The following CSGALNACT1 variants were observed in gnomAD, a reference collection of about 807,000 sequenced individuals.
CSGALNACT1 encodes beta4GalNAcT-1.
CSGALNACT1 carries 52 observed loss-of-function variants against 51.0 expected under a neutral mutation model. The ratio of observed to expected loss-of-function variants is 1.02; its 90% CI spans 0.82 to 1.29. The LOEUF is 1.29. Among genes scored for constraint, CSGALNACT1 ranks in the 50% most tolerant of loss-of-function variants. CSGALNACT1 has a pLI of 0.00. For missense variants in CSGALNACT1, 935 were observed against 679.2 expected, an observed-to-expected ratio of 1.38 and a Z score of -4.19; for synonymous variants, 341 against 254.4, an observed-to-expected ratio of 1.34 and a Z score of -3.24.
At chr8:19,526,255 G>C (rs1395218615) in intron 3 of CSGALNACT1, among the ~76,000 whole-genome samples, 1 of 152,144 alleles carries the variant, frequency 6.6e-6, no homozygotes, top group South Asian at 2.1e-4. Context: ...TAGAGGGGCA[G>C]AACAGCTATT....
chr8:19,665,287 C>T (rs918268443), intron 1 of CSGALNACT1, among the ~76,000 whole-genome samples: 1 of 152,056 alleles, frequency 6.6e-6, no homozygotes, highest in African/African-American at 2.4e-5. Context: ...TAGGTAAATC[C>T]AGGGATTAAA....
chr8:19,574,794 G>A (rs1300390499), intron 3 of CSGALNACT1, among the ~76,000 whole-genome samples: 1 of 152,168 alleles, frequency 6.6e-6, no homozygotes, highest in African/African-American at 2.4e-5. Context: ...CACTTTGGGA[G>A]GCTGAAACGG....
At chr8:19,612,979 A>AAAAAAAAAC (rs2052498036) in intron 1 of CSGALNACT1, among the ~76,000 whole-genome samples, 2 of 146,722 alleles carry the variant, frequency 1.4e-5, no homozygotes, top group Admixed American at 6.8e-5. Context: ...AAAAAAAAAA[A>AAAAAAAAAC]AGCACAGCTG....
At chr8:19,727,130 C>A (rs1208607995) in intron 1 of CSGALNACT1, among the ~76,000 whole-genome samples, 1 of 152,148 alleles carries the variant, frequency 6.6e-6, no homozygotes, top group Non-Finnish European at 1.5e-5. Flanking sequence ...TTTTCAATCA[C>A]ACCAGACTTT....
chr8:19,472,994 T>C (rs562574236), intron 4 of CSGALNACT1, among the ~76,000 whole-genome samples: 1 of 152,314 alleles, frequency 6.6e-6, no homozygotes, highest in East Asian at 1.9e-4. Flanking sequence ...TATCATGTCA[T>C]TCTACTTTGT....
chr8:19,570,497 C>G (rs534719111), intron 3 of CSGALNACT1, among the ~76,000 whole-genome samples: 2 of 152,076 alleles, frequency 1.3e-5, no homozygotes, highest in Non-Finnish European at 2.9e-5. Flanking sequence ...AAACAGAGAG[C>G]AAGAGGTAAT....
intron 3 of CSGALNACT1, among the ~76,000 whole-genome samples, chr8:19,558,341 C>T (rs1010629213): frequency 6.6e-6 from 1 of 152,148 alleles, no homozygotes; most frequent in Non-Finnish European, 1.5e-5. Flanking sequence ...GCCATTCCTC[C>T]AAAGTAGGAA....
At chr8:19,618,300 G>C (rs375141545) in intron 1 of CSGALNACT1, among the ~76,000 whole-genome samples, 1 of 152,134 alleles carries the variant, frequency 6.6e-6, no homozygotes, top group East Asian at 1.9e-4. Context: ...ATGACACAGA[G>C]GACTATGTAC....
intron 8 of CSGALNACT1, among the ~76,000 whole-genome samples, chr8:19,414,767 C>T (rs1585450351): frequency 6.6e-6 from 1 of 152,180 alleles, no homozygotes; most frequent in Non-Finnish European, 1.5e-5. Flanking sequence ...GCAAAACTAA[C>T]TTTCATTAGA....
At chr8:19,676,790 G>C (rs77271010) in intron 1 of CSGALNACT1, among the ~76,000 whole-genome samples, 1 of 152,164 alleles carries the variant, frequency 6.6e-6, no homozygotes. Context: ...ACCCAGACAG[G>C]ATTGGAAGGA....
intron 8 of CSGALNACT1, among the ~76,000 whole-genome samples, chr8:19,414,405 A>G (rs2056474110): frequency 6.6e-6 from 1 of 152,212 alleles, no homozygotes; most frequent in African/African-American, 2.4e-5. Context: ...TCTAAAGTTA[A>G]TGTTTGTTTA....
chr8:19,554,718 G>C (rs1380400063), intron 3 of CSGALNACT1, among the ~76,000 whole-genome samples: 1 of 152,228 alleles, frequency 6.6e-6, no homozygotes, highest in South Asian at 2.1e-4. Flanking sequence ...AGGAGTTCAA[G>C]ACCAGCCTGC....
rs369198221 is a variant in CSGALNACT1, at chr8:19,404,942, ATGCCTGACATTCAG to A, written c.*824_*837del. The A allele has an allele frequency of 9.2e-4, 416 of 454,122 alleles. 2 individuals are homozygous for A. The highest frequency in any genetic ancestry group is 7.2e-3 in the African/African-American group (363 of 50,116). 28.1% of individuals were successfully genotyped at this position (454,122 alleles called of 1,614,324 possible). A position where few individuals can be genotyped will look rare whatever the true frequency, so the allele number is the denominator to read the frequency against. On this transcript the variant is annotated 3_prime_UTR_variant, in exon 10 of 10. Coordinates refer to ENST00000454498, the Ensembl canonical transcript of CSGALNACT1. ...CAAACCATTCCTTCCCTATGTCTCA[ATGCCTGACATTCAG>A]TGCCTGACAGAATCAGCATTTGGCA...
chr8:19,433,586 G>A (rs989198361), intron 6 of CSGALNACT1, among the ~76,000 whole-genome samples: 2 of 152,168 alleles, frequency 1.3e-5, no homozygotes, highest in African/African-American at 4.8e-5. Context: ...AATACTTTCT[G>A]CATTGGAAGA....
chr8:19,666,797 AAGAAAGAAAGAAAGAGAG>A (rs1301900477), intron 1 of CSGALNACT1, among the ~76,000 whole-genome samples: 15 of 22,072 alleles, frequency 6.8e-4, no homozygotes, highest in South Asian at 4.9e-3. Context: ...GAAAGAAAGA[AAGAAAGAAAGAAAGAGAG>A]AGAGAGAGAG....
intron 1 of CSGALNACT1, among the ~76,000 whole-genome samples, chr8:19,715,497 TATGTACCAC>T (rs1307377523): frequency 2.0e-5 from 3 of 152,256 alleles, no homozygotes; most frequent in Non-Finnish European, 4.4e-5. Context: ...TCATGGTGTG[TATGTACCAC>T]ATTTTCTTTA....
At chr8:19,698,476 C>T (rs73216656) in intron 1 of CSGALNACT1, among the ~76,000 whole-genome samples, 2,241 of 152,304 alleles carry the variant, frequency 0.015, 29 homozygotes, top group South Asian at 0.047. Context: ...TTTTTACAGA[C>T]ATTTACATTG....
rs771229620 is a variant in CSGALNACT1, at chr8:19,506,193, C to G, written c.-296-63G>C. 8.3e-5 allele frequency: 39 copies of G among 472,588 alleles called. No individual in the cohort carries two copies. In the Admixed American group the frequency reaches 9.4e-4, roughly 11 times the overall value. The allele number at this position is 472,588 out of a possible 1,614,324, so 29.3% of individuals were successfully genotyped here. A position where few individuals can be genotyped will look rare whatever the true frequency, so the allele number is the denominator to read the frequency against. ...GACAACGACTCCCTCATGTTCCCTACGGCAATCAATATCCAATAGATCTCC... is the reference window on the plus strand; with the variant it reads ...GACAACGACTCCCTCATGTTCCCTAGGGCAATCAATATCCAATAGATCTCC... On this transcript the variant is annotated intron_variant, in intron 3 of 9. Coordinates refer to ENST00000454498, the Ensembl canonical transcript of CSGALNACT1.
intron 3 of CSGALNACT1, among the ~76,000 whole-genome samples, chr8:19,509,587 A>C (rs1297902755): frequency 6.6e-5 from 9 of 136,004 alleles, no homozygotes; most frequent in Admixed American, 6.1e-4. Flanking sequence ...GCACCACTGC[A>C]CTCCAGCCTG....
Sources: gnomAD v4.1 joint callset for allele counts (sites outside exome capture counted in the v4.1 genomes callset) on GRCh38, gnomAD v4.1.1 for gene constraint, MANE v1.5 for transcripts, NCBI Gene and HGNC (gene_info 2026-07-23, HGNC 2026-07-21) for gene names.